The following DHRSX variants were observed in gnomAD, a reference collection of about 807,000 sequenced individuals.
DHRSX encodes the protein dehydrogenase/reductase X-linked, also known as polyprenol dehydrogenase.
In DHRSX, 31 loss-of-function variants were observed where a neutral mutation model predicts 34.0. That is an observed-to-expected ratio of 0.91 (90% CI 0.69 to 1.23). The LOEUF (loss-of-function observed/expected upper bound fraction) is 1.23, where lower values mean the gene tolerates loss of function less well. DHRSX is among the 50% of genes most tolerant of loss of function. The pLI, the probability that DHRSX is intolerant of heterozygous loss-of-function variation, is 0.00. For synonymous variants in DHRSX, 201 were observed against 183.8 expected, an observed-to-expected ratio of 1.09 and a Z score of -0.76; for missense variants, 414 against 428.1, an observed-to-expected ratio of 0.97 and a Z score of 0.29.
chrX:2,377,139 CCA>C (rs748240699), intron 3 of DHRSX, among the ~76,000 whole-genome samples: 4 of 151,918 alleles, frequency 2.6e-5, no homozygotes, highest in Admixed American at 2.0e-4. Flanking sequence ...CACAATTTTT[CCA>C]CACACACACA....
intron 3 of DHRSX, chrX:2,335,014 T>C (rs1037051457): frequency 6.6e-6 from 1 of 151,836 alleles, no homozygotes; most frequent in African/African-American, 2.4e-5. Flanking sequence ...ACTCCGTCTC[T>C]ACTAAAAATG....
chrX:2,361,867 T>C (rs1388727108), intron 3 of DHRSX, among the ~76,000 whole-genome samples: 1 of 152,200 alleles, frequency 6.6e-6, no homozygotes, highest in African/African-American at 2.4e-5. Flanking sequence ...AGGTTCACCA[T>C]CGGCAAGCAT....
At chrX:2,305,217 G>C (rs1384012160) in intron 3 of DHRSX, among the ~76,000 whole-genome samples, 2 of 151,908 alleles carry the variant, frequency 1.3e-5, no homozygotes, top group Non-Finnish European at 2.9e-5. Flanking sequence ...GTGGGGGTCA[G>C]GGAGGGGGAG....
intron 3 of DHRSX, among the ~76,000 whole-genome samples, chrX:2,393,078 T>G (rs1469095274): frequency 6.8e-6 from 1 of 147,224 alleles, no homozygotes; most frequent in Non-Finnish European, 1.5e-5. Context: ...CATTATGTAT[T>G]TAATATATAC....
At chrX:2,362,369 T>G (rs1425938424) in intron 3 of DHRSX, among the ~76,000 whole-genome samples, 2 of 152,154 alleles carry the variant, frequency 1.3e-5, no homozygotes, top group East Asian at 3.9e-4. Context: ...GGTGTGATCT[T>G]GGCTCACTGC....
At chrX:2,471,904 G>C (rs747042338) in intron 1 of DHRSX, among the ~76,000 whole-genome samples, 12 of 152,174 alleles carry the variant, frequency 7.9e-5, no homozygotes, top group African/African-American at 2.6e-4. Flanking sequence ...TCAGCACTTT[G>C]GGAGGCCGTG....
At chrX:2,232,181 C>T (rs1003190129) in intron 6 of DHRSX, among the ~76,000 whole-genome samples, 7 of 151,648 alleles carry the variant, frequency 4.6e-5, no homozygotes, top group Non-Finnish European at 1.0e-4. Flanking sequence ...TATCAATTTA[C>T]AGTATAATCC....
chrX:2,453,956 A>C (rs189956334), intron 1 of DHRSX, among the ~76,000 whole-genome samples: 2 of 152,308 alleles, frequency 1.3e-5, no homozygotes, highest in African/African-American at 4.8e-5. Flanking sequence ...TATTGTTAAT[A>C]TGGTAACTAG....
intron 1 of DHRSX, among the ~76,000 whole-genome samples, chrX:2,438,615 C>T (rs2044025423): frequency 6.6e-6 from 1 of 150,652 alleles, no homozygotes. Context: ...TTGCGGTGAG[C>T]CGAGATCACG....
chrX:2,416,551 T>C (rs1243872704), intron 2 of DHRSX, among the ~76,000 whole-genome samples: 3 of 152,184 alleles, frequency 2.0e-5, no homozygotes, highest in African/African-American at 7.2e-5. Context: ...GTATTACCTA[T>C]GGGTGGTTAC....
chrX:2,397,183 A>G (rs1318929819), intron 3 of DHRSX, among the ~76,000 whole-genome samples: 1 of 151,750 alleles, frequency 6.6e-6, no homozygotes, highest in Non-Finnish European at 1.5e-5. Context: ...ATTTAGTTGT[A>G]GAGACAAGGT....
At chrX:2,482,770 T>G (rs186423102) in intron 1 of DHRSX, among the ~76,000 whole-genome samples, 1 of 152,238 alleles carries the variant, frequency 6.6e-6, no homozygotes, top group African/African-American at 2.4e-5. Flanking sequence ...CCTTTCCAGT[T>G]AAACACAAAT....
At chrX:2,350,988 C>A (rs767121505) in intron 3 of DHRSX, among the ~76,000 whole-genome samples, 1 of 152,214 alleles carries the variant, frequency 6.6e-6, no homozygotes, top group Non-Finnish European at 1.5e-5. Flanking sequence ...GAACAGAAAA[C>A]CAAACACTGC....
chrX:2,330,017 C>A (rs2042437057), intron 3 of DHRSX, among the ~76,000 whole-genome samples: 1 of 132,528 alleles, frequency 7.5e-6, no homozygotes, highest in South Asian at 2.4e-4. Context: ...ACTGCGATTC[C>A]AAAAATTTGG....
chrX:2,480,528 A>G (rs1413603044), intron 1 of DHRSX, among the ~76,000 whole-genome samples: 1 of 151,750 alleles, frequency 6.6e-6, no homozygotes, highest in Non-Finnish European at 1.5e-5. Context: ...AAAAAAAAAA[A>G]AAAAATTAGC....
chrX:2,416,548 C>T (rs920897953), intron 2 of DHRSX, among the ~76,000 whole-genome samples: 1 of 152,092 alleles, frequency 6.6e-6, no homozygotes. Flanking sequence ...TAAGTATTAC[C>T]TATGGGTGGT....
At chrX:2,462,895 T>C (rs1265554790) in intron 1 of DHRSX, among the ~76,000 whole-genome samples, 2 of 152,194 alleles carry the variant, frequency 1.3e-5, no homozygotes, top group African/African-American at 4.8e-5. Context: ...CCCAAATTCC[T>C]GCATTGAAAT....
intron 3 of DHRSX, among the ~76,000 whole-genome samples, chrX:2,370,046 TCA>T (rs1023810734): frequency 6.6e-6 from 1 of 152,136 alleles, no homozygotes; most frequent in Non-Finnish European, 1.5e-5. Flanking sequence ...AACCTGCTCC[TCA>T]CTCTCCAAAG....
intron 2 of DHRSX, among the ~76,000 whole-genome samples, chrX:2,423,602 A>T (rs1318646209): frequency 6.6e-6 from 1 of 152,014 alleles, no homozygotes; most frequent in African/African-American, 2.4e-5. Context: ...GAAAATAATT[A>T]ATTAAATGCA....
Sources: gnomAD v4.1 joint callset for allele counts (sites outside exome capture counted in the v4.1 genomes callset) on GRCh38, gnomAD v4.1.1 for gene constraint, MANE v1.5 for transcripts, NCBI Gene and HGNC (gene_info 2026-07-23, HGNC 2026-07-21) for gene names.